LANCL1: variants seen among roughly 807,000 people sequenced by gnomAD.
LANCL1 encodes the protein glutathione S-transferase LANCL1.
Under a neutral mutation model 50.6 loss-of-function variants are expected in LANCL1, and 50 were observed. The ratio of observed to expected loss-of-function variants is 0.99; its 90% CI spans 0.79 to 1.25. The LOEUF is 1.25. Among genes scored for constraint, LANCL1 ranks in the 50% most tolerant of loss-of-function variants. LANCL1 has a pLI of 0.00. For missense variants in LANCL1, 532 were observed against 480.7 expected, an observed-to-expected ratio of 1.11 and a Z score of -1.00; for synonymous variants, 188 against 178.6, an observed-to-expected ratio of 1.05 and a Z score of -0.42.
chr2:210,448,588 A>C (rs539347240), intron 4 of LANCL1, among the ~76,000 whole-genome samples: 35 of 152,340 alleles, frequency 2.3e-4, no homozygotes, highest in Admixed American at 2.3e-3. Context: ...AAAGATCAAT[A>C]AAATAGATAG....
chr2:210,441,061 C>A (rs978367848), intron 5 of LANCL1, among the ~76,000 whole-genome samples: 2 of 152,200 alleles, frequency 1.3e-5, no homozygotes, highest in Non-Finnish European at 2.9e-5. Flanking sequence ...TGGCTCTAAT[C>A]CTCTTTGGAG....
intron 4 of LANCL1, among the ~76,000 whole-genome samples, chr2:210,451,242 C>T (rs562932926): frequency 2.5e-4 from 38 of 152,122 alleles, no homozygotes; most frequent in Admixed American, 6.5e-4. Flanking sequence ...GAAAACCAAA[C>T]ACCACATGTA....
intron 3 of LANCL1, among the ~76,000 whole-genome samples, chr2:210,463,479 C>T (rs1027460877): frequency 3.3e-5 from 5 of 152,160 alleles, no homozygotes; most frequent in African/African-American, 1.2e-4. Flanking sequence ...TGCACCCTGT[C>T]TTGTCATTCA....
intron 3 of LANCL1, among the ~76,000 whole-genome samples, chr2:210,470,150 G>A (rs1694184040): frequency 6.6e-6 from 1 of 152,116 alleles, no homozygotes; most frequent in African/African-American, 2.4e-5. Context: ...AAATAGTAAT[G>A]TTCAACATTC....
chr2:210,460,496 G>A (rs1360814729), intron 3 of LANCL1: 3 of 151,910 alleles, frequency 2.0e-5, no homozygotes, highest in African/African-American at 7.3e-5. Flanking sequence ...AATAAGAAGT[G>A]AAAGTATTCT....
rs533074334 is a variant in LANCL1 at position 210,465,406 on chromosome 2, A to C, written c.199+6553T>G. On this transcript the variant is annotated intron_variant, in intron 3 of 9. Coordinates refer to ENST00000450366, the MANE Select transcript of LANCL1 (RefSeq NM_006055.3). ...CGAAACACCTGAACTGCTTGATATA[A>C]TGTAACCATAGATTGAGGTCTGCAG... 3.6e-4 allele frequency among the ~76,000 whole-genome samples: 55 copies of C among 152,338 alleles called. 1 individual carries two copies. The South Asian group carries it at 0.011, about 30-fold the overall frequency.
chr2:210,437,503 G>A (rs1405995402), intron 7 of LANCL1, among the ~76,000 whole-genome samples, 187 bp downstream of exon 7: 1 of 152,098 alleles, frequency 6.6e-6, no homozygotes, highest in Non-Finnish European at 1.5e-5. Context: ...GTTAAAAGTA[G>A]GATATGAAAC....
chr2:210,442,277 TCTC>T (rs1304367183), intron 4 of LANCL1, among the ~76,000 whole-genome samples: 1 of 152,156 alleles, frequency 6.6e-6, no homozygotes, highest in Non-Finnish European at 1.5e-5. Flanking sequence ...GCCTTCTAGT[TCTC>T]CTCAGAAATC....
intron 4 of LANCL1, chr2:210,442,422 A>G (rs752409901): frequency 5.3e-5 from 8 of 152,266 alleles, no homozygotes; most frequent in Non-Finnish European, 1.0e-4. Context: ...AACAGCACAC[A>G]GAGTAGTCAC....
intron 4 of LANCL1, among the ~76,000 whole-genome samples, chr2:210,448,045 A>C (rs962772763): frequency 6.6e-6 from 1 of 152,166 alleles, no homozygotes; most frequent in African/African-American, 2.4e-5. Context: ...AAATCAACAG[A>C]ATGTACATTC....
intron 4 of LANCL1, among the ~76,000 whole-genome samples, chr2:210,443,251 G>T (rs921807439): frequency 1.5e-4 from 23 of 152,078 alleles, no homozygotes; most frequent in Non-Finnish European, 2.8e-4. Context: ...TTCCCTTTTT[G>T]GGGGGAGGGG....
rs550760944 is a variant in LANCL1 at position 210,464,769 on chromosome 2, A to G, written c.199+7190T>C. 7.2e-3 allele frequency among the ~76,000 whole-genome samples: 1,096 copies of G among 151,244 alleles called. 16 individuals carry two copies. Among genetic ancestry groups the G allele is most frequent in the Middle Eastern group, 0.014 (4 of 292 alleles). Reference sequence around the variant, plus strand: ...ATCATGAGGTCAGGAGATCGAGACCATTCTGGCTAACAAGGTGAAACCCCG... The same window carrying G: ...ATCATGAGGTCAGGAGATCGAGACCGTTCTGGCTAACAAGGTGAAACCCCG... On this transcript the variant is annotated intron_variant, in intron 3 of 9. Transcript: ENST00000450366.
chr2:210,450,590 A>G (rs562896181), intron 4 of LANCL1, among the ~76,000 whole-genome samples: 141 of 152,304 alleles, frequency 9.3e-4, no homozygotes, highest in African/African-American at 3.4e-3. Context: ...TTTGCAATCT[A>G]TCCATCTGAC....
chr2:210,458,430 ATTTGT>A (rs1360838824), intron 3 of LANCL1, among the ~76,000 whole-genome samples: 1 of 152,108 alleles, frequency 6.6e-6, no homozygotes, highest in Non-Finnish European at 1.5e-5. Context: ...ATATACTTAG[ATTTGT>A]TTTGTTAAAA....
chr2:210,468,654 A>G lies in LANCL1; in HGVS notation c.199+3305T>C, dbSNP rs567040548. 16 of 152,360 alleles carry G rather than the reference A, an allele frequency of 1.1e-4. No homozygotes were observed. In the East Asian group the frequency reaches 1.9e-3, roughly 18 times the overall value. 9.4% of individuals were successfully genotyped at this position (152,360 alleles called of 1,614,324 possible). A position where few individuals can be genotyped will look rare whatever the true frequency, so the allele number is the denominator to read the frequency against. On this transcript the variant is annotated intron_variant, in intron 3 of 9. Transcript: ENST00000450366. ...TTAAAGGGAGAGCATGCATTAATGC[A>G]TTCTTCTTTGCCTCTTCTTCCCTCC...
intron 3 of LANCL1, chr2:210,468,259 A>G (rs1395427435): frequency 6.6e-6 from 1 of 152,108 alleles, no homozygotes; most frequent in African/African-American, 2.4e-5. Context: ...CAAAGAACAG[A>G]TAAAATATTG....
At chr2:210,475,379 A>T (rs1275493220) in intron 2 of LANCL1, among the ~76,000 whole-genome samples, 5 of 152,180 alleles carry the variant, frequency 3.3e-5, no homozygotes, top group Admixed American at 2.0e-4. Context: ...CACCCAGGCT[A>T]GAGTGCAGTG....
At position 210,471,827 on chromosome 2, in the gene LANCL1, T is replaced by A. The variant is rs987628231; in HGVS notation, c.199+132A>T. On this transcript the variant is annotated intron_variant, in intron 3 of 9. Coordinates refer to ENST00000450366, the MANE Select transcript of LANCL1 (RefSeq NM_006055.3). ...TGGTTGGGTTGAGGGCACAGCACTC[T>A]CCCAGAAGCAATTACTCATATGCAG... is the stretch of plus-strand genomic sequence containing the variant. The A allele has an allele frequency of 5.3e-6, 4 of 761,568 alleles. No homozygotes were observed. The African/African-American group carries it at 6.8e-5, about 13-fold the overall frequency. The allele number at this position is 761,568 out of a possible 1,614,324, so 47.2% of individuals were successfully genotyped here.
chr2:210,477,198 A>G (rs1041565971), upstream of LANCL1, among the ~76,000 whole-genome samples: 3 of 152,212 alleles, frequency 2.0e-5, no homozygotes, highest in Non-Finnish European at 4.4e-5. Flanking sequence ...CAACAACAAC[A>G]AAAATATGCC....
Sources: allele counts gnomAD v4.1 joint callset (sites outside exome capture counted in the v4.1 genomes callset), GRCh38; gene constraint gnomAD v4.1.1; transcripts MANE v1.5; gene names NCBI Gene and HGNC (gene_info 2026-07-23, HGNC 2026-07-21).